RANBP6: variants seen among roughly 807,000 people sequenced by gnomAD.
RANBP6 encodes ran-binding protein 6.
Under a neutral mutation model 35.3 loss-of-function variants are expected in RANBP6, and 10 were observed. The observed-to-expected ratio is 0.28, with a 90% CI of 0.17 to 0.48. The LOEUF is 0.48. RANBP6 is among the 20% of genes least tolerant of loss of function. The pLI is 0.99. For synonymous variants in RANBP6, 514 were observed against 464.2 expected (o/e 1.11, Z -1.38); for missense variants, 1,392 against 1,307.7 (o/e 1.06, Z -0.99).
At position 6,013,746 on chromosome 9, in the gene RANBP6, T is replaced by G. The variant is rs1842521076; in HGVS notation, c.1862A>C (p.Lys621Thr). ...YMVSAWARMCKILGKDFQQYL... is the reference protein window; with the variant it reads ...YMVSAWARMCTILGKDFQQYL... ...CTGTTGAAAATCTTTTCCAAGAATTTTACACATTCTAGCCCATGCTGAAAC... is the reference window on the plus strand; with the variant it reads ...CTGTTGAAAATCTTTTCCAAGAATTGTACACATTCTAGCCCATGCTGAAAC... The change falls in exon 1 of 1, where the codon AAA (lysine) becomes ACA (threonine). Residue 621 changes from lysine (K) to threonine (T), a missense_variant. Physicochemically the swap from Lys to Thr is moderately conservative, Grantham distance 78. Transcript: ENST00000259569. 1.2e-6 allele frequency: 2 copies of G among 1,613,932 alleles called. No individual in the cohort carries two copies. Among genetic ancestry groups the G allele is most frequent in the Non-Finnish European group, 1.7e-6 (2 of 1,180,030 alleles).
Position 6,013,231 on chromosome 9 carries a change from G to C in RANBP6, c.2377C>G (p.Leu793Val), listed in dbSNP as rs1305097786. Residue 793 changes from leucine to valine, a missense_variant, in exon 1 of 1, where the codon CTT becomes GTT. Leu to Val is a conservative substitution (Grantham distance 32). Coordinates refer to ENST00000259569, the MANE Select transcript of RANBP6 (RefSeq NM_012416.4). ...KSIEVMGDGC[L>V]NDEHLEELGG... ...AGTTCTTCCAAGTGTTCATCATTAA[G>C]GCAACCATCTCCCATAACTTCAATG... is the stretch of plus-strand genomic sequence containing the variant. 3 of 1,614,008 alleles carry C rather than the reference G, an allele frequency of 1.9e-6. No homozygotes were observed. The highest frequency in any genetic ancestry group is 2.2e-5 in the East Asian group (1 of 44,880).
At position 6,014,718 on chromosome 9, in the gene RANBP6, G is replaced by C; in HGVS notation, c.890C>G (p.Thr297Ser). 1 of 1,614,144 alleles carries C rather than the reference G, an allele frequency of 6.2e-7. No individual in the cohort carries two copies. The highest frequency in any genetic ancestry group is 8.5e-7 in the Non-Finnish European group (1 of 1,180,048). ...ATGTTTTTTCAACATCGGAGTGGCA[G>C]TTTCAGACAAGGTCACTATAACTTC... Reference protein sequence around the residue: ...ALEVIVTLSETATPMLKKHTN... With the variant: ...ALEVIVTLSESATPMLKKHTN... Residue 297 changes from threonine (T) to serine (S), a missense_variant, in exon 1 of 1, where the codon ACT becomes AGT. By Grantham distance (58) the Thr-to-Ser change is moderately conservative (BLOSUM62 1). Coordinates refer to ENST00000259569, the MANE Select transcript of RANBP6 (RefSeq NM_012416.4).
chr9:6,013,963 T>C lies in RANBP6; in HGVS notation c.1645A>G (p.Ile549Val). ...TCCTTCTGAACAGCAAGCTCAACAA[T>C]GTGCTTTAGTGAGGGCATGAATATA... Reference protein sequence around the residue: ...YDIFMPSLKHIVELAVQKELK... With the variant: ...YDIFMPSLKHVVELAVQKELK... Residue 549 changes from isoleucine to valine, a missense_variant, in exon 1 of 1, where the codon ATT becomes GTT. Coordinates refer to ENST00000259569, the MANE Select transcript of RANBP6 (RefSeq NM_012416.4). 1 of 1,613,980 alleles carries C rather than the reference T, an allele frequency of 6.2e-7. No homozygotes were observed. The highest frequency in any genetic ancestry group is 2.2e-5 in the East Asian group (1 of 44,874).
Position 6,014,028 on chromosome 9 carries a change from A to G in RANBP6, c.1580T>C (p.Val527Ala). 1.2e-6 allele frequency: 2 copies of G among 1,613,878 alleles called. No homozygotes were observed. The highest frequency in any genetic ancestry group is 1.7e-6 in the Non-Finnish European group (2 of 1,179,926). Reference protein sequence around the residue: ...LEQLVTTIASVADTIEEKFVP... With the variant: ...LEQLVTTIASAADTIEEKFVP... Reference sequence around the variant, plus strand: ...AAATTTTTCTTCTATTGTATCTGCAACTGATGCAATGGTTGTCACAAGTTG... The same window carrying G: ...AAATTTTTCTTCTATTGTATCTGCAGCTGATGCAATGGTTGTCACAAGTTG... The change falls in exon 1 of 1, where the codon GTT (valine) becomes GCT (alanine). Residue 527 changes from valine to alanine, a missense_variant. Transcript: ENST00000259569.
In RANBP6 at chr9:6,014,598, T is replaced by C; in HGVS notation, c.1010A>G (p.Glu337Gly). The C allele has an allele frequency of 6.2e-7, 1 of 1,614,218 alleles. No individual in the cohort carries two copies. Among genetic ancestry groups the C allele is most frequent in the Non-Finnish European group, 8.5e-7 (1 of 1,180,048 alleles). Residue 337 changes from glutamate (E) to glycine (G), a missense_variant, in exon 1 of 1, where the codon GAA becomes GGA. Physicochemically the swap from Glu to Gly is moderately conservative, Grantham distance 98. Coordinates refer to ENST00000259569, the MANE Select transcript of RANBP6 (RefSeq NM_012416.4). ...AACTGCATTGCTGTCAAAATCATCTTCTTCCATTTCATCAGCATTTACCCA... is the reference window on the plus strand; with the variant it reads ...AACTGCATTGCTGTCAAAATCATCTCCTTCCATTTCATCAGCATTTACCCA... ...EDWVNADEME[E>G]DDFDSNAVAA...
At position 6,014,417 on chromosome 9, in the gene RANBP6, G is replaced by A. The variant is rs1318006955; in HGVS notation, c.1191C>T (p.Cys397=). 1.2e-6 allele frequency: 2 copies of A among 1,614,086 alleles called. No homozygotes were observed. The highest frequency in any genetic ancestry group is 1.7e-6 in the Non-Finnish European group (2 of 1,180,002). ...CTAGAATTGATTCCATTTGTTGATG[G>A]CATCCTTCTCCAATGGCAGATAAGG... is the stretch of plus-strand genomic sequence containing the variant. ...LMALSAIGEG[C]HQQMESILDE... Residue 397 remains cysteine (C), a synonymous_variant, in exon 1 of 1, where the codon TGC becomes TGT. Transcript: ENST00000259569.
rs761036875 is a variant in RANBP6 at position 6,013,957 on chromosome 9, C to G, written c.1651G>C (p.Glu551Gln). 6.2e-7 allele frequency: 1 copy of G among 1,613,902 alleles called. No individual in the cohort carries two copies. The highest frequency in any genetic ancestry group is 8.5e-7 in the Non-Finnish European group (1 of 1,180,000). Residue 551 changes from glutamate (E) to glutamine (Q), a missense_variant, in exon 1 of 1, where the codon GAG (glutamate) becomes CAG (glutamine). Physicochemically the swap from Glu to Gln is conservative, Grantham distance 29. Coordinates refer to ENST00000259569, the MANE Select transcript of RANBP6 (RefSeq NM_012416.4). The stretch of plus-strand genomic sequence containing the variant: ...TTGAGTTCCTTCTGAACAGCAAGCT[C>G]AACAATGTGCTTTAGTGAGGGCATG... ...IFMPSLKHIV[E>Q]LAVQKELKLL...
chr9:6,015,168 G>T lies in RANBP6; in HGVS notation c.440C>A (p.Ser147Ter). 6.2e-7 allele frequency: 1 copy of T among 1,614,106 alleles called. No individual in the cohort carries two copies. Among genetic ancestry groups the T allele is most frequent in the Non-Finnish European group, 8.5e-7 (1 of 1,180,036 alleles). ...WPEGLKFLID[S>*]IYSKNVVLWE... is the part of the protein sequence containing the mutation. ...TAGAACCACATTTTTGGAGTAGATT[G>T]AATCAATAAGAAACTTCAGACCTTC... The change falls in exon 1 of 1, where the codon TCA becomes TAA. Residue 147 changes from serine to a stop codon, truncating the protein, a stop_gained. Transcript: ENST00000259569. LOFTEE classifies it low-confidence loss of function (END_TRUNC).
Position 6,015,079 on chromosome 9 carries a change from C to G in RANBP6, c.529G>C (p.Asp177His), listed in dbSNP as rs1842550214. ...PGIFGTQERH[D>H]LDIIKRLLDQ... ...AACAACCGTTTGATGATATCCAAAT[C>G]ATGCCGCTCTTGGGTCCCAAAAATC... Residue 177 changes from aspartate (D) to histidine (H), a missense_variant, in exon 1 of 1, where the codon GAT becomes CAT. Coordinates refer to ENST00000259569, the MANE Select transcript of RANBP6 (RefSeq NM_012416.4). 6.2e-7 allele frequency: 1 copy of G among 1,614,046 alleles called. No individual in the cohort carries two copies. The highest frequency in any genetic ancestry group is 8.5e-7 in the Non-Finnish European group (1 of 1,180,038).
chr9:6,012,577 G>A lies in RANBP6; in HGVS notation c.3031C>T (p.His1011Tyr). 2.5e-6 allele frequency: 4 copies of A among 1,614,010 alleles called. No homozygotes were observed. The highest frequency in any genetic ancestry group is 3.4e-6 in the Non-Finnish European group (4 of 1,179,996). The change falls in exon 1 of 1, where the codon CAT (histidine) becomes TAT (tyrosine). Residue 1011 changes from histidine (H) to tyrosine (Y), a missense_variant. Physicochemically the swap from His to Tyr is moderately conservative, Grantham distance 83. Transcript: ENST00000259569. The stretch of plus-strand genomic sequence containing the variant: ...TGAATAGCTTCCTCTTTATCTTCAT[G>A]CAGTGGAAGCCATGATAACCAGTGT... ...LPHWLSWLPL[H>Y]EDKEEAIQTL...
rs1457823069 is a variant in RANBP6 at position 6,012,157 on chromosome 9, G to C, written c.*133C>G. 1 of 663,474 alleles carries C rather than the reference G, an allele frequency of 1.5e-6. No homozygotes were observed. The highest frequency in any genetic ancestry group is 2.4e-6 in the Non-Finnish European group (1 of 417,700). The allele number at this position is 663,474 out of a possible 1,614,324, so 41.1% of individuals were successfully genotyped here. On this transcript the variant is annotated 3_prime_UTR_variant, in exon 1 of 1. Transcript: ENST00000259569. ...AGAGGACTAACACTGATTAATTCTG[G>C]AGAAACATGGAGAAGAACTATAAAC...
Position 6,013,630 on chromosome 9 carries a change from T to A in RANBP6, c.1978A>T (p.Ser660Cys). Reference sequence around the variant, plus strand: ...ACAAATTGCCAGCCATCATCGTCACTCATATTTTCCACATCCTGTGTGTCT... The same window carrying A: ...ACAAATTGCCAGCCATCATCGTCACACATATTTTCCACATCCTGTGTGTCT... ...LLDTQDVENM[S>C]DDDGWQFVNL... The change falls in exon 1 of 1, where the codon AGT (serine) becomes TGT (cysteine). Residue 660 changes from serine (S) to cysteine (C), a missense_variant. Coordinates refer to ENST00000259569, the MANE Select transcript of RANBP6 (RefSeq NM_012416.4). 6.2e-7 allele frequency: 1 copy of A among 1,614,216 alleles called. No individual in the cohort carries two copies. The highest frequency in any genetic ancestry group is 8.5e-7 in the Non-Finnish European group (1 of 1,180,036).
rs1209867965 is a variant in RANBP6 at position 6,012,300 on chromosome 9, T to C, written c.3308A>G (p.Asn1103Ser). The change falls in exon 1 of 1, where the codon AAT (asparagine) becomes AGT (serine). Residue 1103 changes from asparagine to serine, a missense_variant. By Grantham distance (46) the Asn-to-Ser change is conservative. Transcript: ENST00000259569. The stretch of plus-strand genomic sequence containing the variant: ...TTATATTAAAGTGCTTCAAGCAAAA[T>C]TTAGCAACTCCTGTAAGGCTTCCTG... Reference protein sequence around the residue: ...EQQEALQELLNFA With the variant: ...EQQEALQELLSFA The C allele has an allele frequency of 3.2e-6, 5 of 1,549,200 alleles. No homozygotes were observed. Among genetic ancestry groups the C allele is most frequent in the Non-Finnish European group, 4.3e-6 (5 of 1,151,954 alleles).
chr9:6,015,600 G>A lies in RANBP6; in HGVS notation c.8C>T (p.Ala3Val), dbSNP rs777633234. 2.1e-5 allele frequency: 33 copies of A among 1,592,772 alleles called. No individual in the cohort carries two copies. The highest frequency in any genetic ancestry group is 2.5e-5 in the Non-Finnish European group (29 of 1,175,468). The change falls in exon 1 of 1, where the codon GCA becomes GTA. Residue 3 changes from alanine to valine, a missense_variant. By Grantham distance (64) the Ala-to-Val change is moderately conservative. Transcript: ENST00000259569. MA[A>V]TASAGVPATV... ...CGCCGGCACCCCTGCAGACGCGGTT[G>A]CCGCCATTGCGCTCTGTCAAAGCTA...
chr9:6,011,757 G>C lies in RANBP6; in HGVS notation c.*533C>G, dbSNP rs10758736. On this transcript the variant is annotated 3_prime_UTR_variant, in exon 1 of 1. Transcript: ENST00000259569. ...CCAGTTCCCAGGAGTACATTATGAA[G>C]AAGTTCATATACATCCCACATCCAC... 1 of 152,094 alleles carries C rather than the reference G, an allele frequency of 6.6e-6. No homozygotes were observed. Among genetic ancestry groups the C allele is most frequent in the Non-Finnish European group, 1.5e-5 (1 of 68,096 alleles). The allele number at this position is 152,094 out of a possible 1,614,324, so 9.4% of individuals were successfully genotyped here. A position where few individuals can be genotyped will look rare whatever the true frequency, so the allele number is the denominator to read the frequency against.
Position 6,014,963 on chromosome 9 carries a change from A to G in RANBP6, c.645T>C (p.Asn215=). 6.2e-7 allele frequency: 1 copy of G among 1,614,216 alleles called. No individual in the cohort carries two copies. Residue 215 remains asparagine (N), a synonymous_variant, in exon 1 of 1, where the codon AAT becomes AAC. Transcript: ENST00000259569. ...AAAFVLANEN[N]IALFKDFADL... Reference sequence around the variant, plus strand: ...CTGCAAAGTCTTTGAAAAGAGCAATATTATTCTCATTAGCAAGTACAAATG... The same window carrying G: ...CTGCAAAGTCTTTGAAAAGAGCAATGTTATTCTCATTAGCAAGTACAAATG...
rs934902178 is a variant in RANBP6 at position 6,011,070 on chromosome 9, C to T, written c.*1220G>A. The T allele has an allele frequency of 6.6e-6, 1 of 152,154 alleles. No individual in the cohort carries two copies. The highest frequency in any genetic ancestry group is 6.5e-5 in the Admixed American group (1 of 15,272). 9.4% of individuals were successfully genotyped at this position (152,154 alleles called of 1,614,324 possible). On this transcript the variant is annotated 3_prime_UTR_variant, in exon 1 of 1. Coordinates refer to ENST00000259569, the MANE Select transcript of RANBP6 (RefSeq NM_012416.4). ...ACAGCTACAATTTATTGAGCACTTA[C>T]TAGGTCTTAAATATTTGCTAAATAC...
At position 6,015,055 on chromosome 9, in the gene RANBP6, A is replaced by G; in HGVS notation, c.553T>C (p.Leu185=). The G allele has an allele frequency of 6.2e-7, 1 of 1,614,222 alleles. No homozygotes were observed. The highest frequency in any genetic ancestry group is 1.3e-5 in the African/African-American group (1 of 75,064). The part of the protein sequence containing the change: ...RHDLDIIKRL[L]DQCIQDQEHP... ...TCTTGATCTTGAATACACTGGTCCA[A>G]CAACCGTTTGATGATATCCAAATCA... Residue 185 remains leucine (L), a synonymous_variant, in exon 1 of 1, where the codon TTG becomes CTG. Coordinates refer to ENST00000259569, the MANE Select transcript of RANBP6 (RefSeq NM_012416.4).
At position 6,015,321 on chromosome 9, in the gene RANBP6, T is replaced by A. The variant is rs771696026; in HGVS notation, c.287A>T (p.Asp96Val). The change falls in exon 1 of 1, where the codon GAT (aspartate) becomes GTT (valine). Residue 96 changes from aspartate (D) to valine (V), a missense_variant. By Grantham distance (152) the Asp-to-Val change is radical. Transcript: ENST00000259569. Reference protein sequence around the residue: ...YPNLPADVQRDVKIELILAVK... With the variant: ...YPNLPADVQRVVKIELILAVK... ...AGCCAGAATCAGTTCAATCTTGACA[T>A]CTCTCTGAACATCAGCAGGCAGATT... 8.7e-6 allele frequency: 14 copies of A among 1,614,120 alleles called. No individual in the cohort carries two copies. Among genetic ancestry groups the A allele is most frequent in the Non-Finnish European group, 1.2e-5 (14 of 1,180,054 alleles).
Sources: allele counts gnomAD v4.1 joint callset, GRCh38; gene constraint gnomAD v4.1.1; transcripts MANE v1.5; gene names NCBI Gene and HGNC (gene_info 2026-07-23, HGNC 2026-07-21).